The following CSMD3 variants were observed in gnomAD, a reference collection of about 807,000 sequenced individuals.
The protein encoded by CSMD3 is CUB and Sushi multiple domains 3.
Under a neutral mutation model 435.2 loss-of-function variants are expected in CSMD3, and 177 were observed. The ratio of observed to expected loss-of-function variants is 0.41; its 90% CI spans 0.36 to 0.46. CSMD3 has a LOEUF of 0.46. Among genes scored for constraint, CSMD3 ranks in the 20% least tolerant of loss-of-function variants. The pLI is 0.34. For missense variants in CSMD3, 4,265 were observed against 4,504.6 expected, an observed-to-expected ratio of 0.95 and a Z score of 1.52; for synonymous variants, 1,656 against 1,520.5, an observed-to-expected ratio of 1.09 and a Z score of -2.07.
chr8:113,272,794 T>G (rs892587784), intron 3 of CSMD3, among the ~76,000 whole-genome samples: 2 of 152,144 alleles, frequency 1.3e-5, no homozygotes, highest in Non-Finnish European at 1.5e-5. Flanking sequence ...TCATTCTACT[T>G]ATATATTGTA....
intron 4 of CSMD3, among the ~76,000 whole-genome samples, chr8:113,150,426 T>C (rs539718974): frequency 1.4e-4 from 21 of 151,940 alleles, no homozygotes; most frequent in Non-Finnish European, 2.8e-4. Context: ...CAGAAATAGG[T>C]AGGCTAGGAT....
chr8:112,570,544 G>A (rs928561235), intron 24 of CSMD3, among the ~76,000 whole-genome samples: 1 of 152,168 alleles, frequency 6.6e-6, no homozygotes. Context: ...AAAGTAGCCT[G>A]GGCACAGGTG....
intron 24 of CSMD3, among the ~76,000 whole-genome samples, chr8:112,566,040 C>CTTT (rs566193975): frequency 7.1e-6 from 1 of 141,844 alleles, no homozygotes; most frequent in Non-Finnish European, 1.5e-5. Flanking sequence ...CTCTCTCTCT[C>CTTT]TTTTTTTTTT....
chr8:113,333,098 A>C (rs556328350), intron 1 of CSMD3, among the ~76,000 whole-genome samples: 37 of 151,732 alleles, frequency 2.4e-4, no homozygotes, highest in Non-Finnish European at 5.2e-4. Context: ...TATTTAAAAA[A>C]ACACTTTCAT....
chr8:113,170,657 C>T (rs532679033), intron 4 of CSMD3, among the ~76,000 whole-genome samples: 1 of 152,268 alleles, frequency 6.6e-6, no homozygotes, highest in African/African-American at 2.4e-5. Context: ...TACTTGATTA[C>T]TGTCTGCCCC....
At chr8:112,941,432 A>G (rs1466145292) in intron 9 of CSMD3, among the ~76,000 whole-genome samples, 6 of 151,878 alleles carry the variant, frequency 4.0e-5, no homozygotes, top group Admixed American at 6.6e-5. Flanking sequence ...GTGGACGAGA[A>G]GGAGAAAAAT....
At chr8:112,778,235 G>A (rs937009158) in intron 13 of CSMD3, among the ~76,000 whole-genome samples, 15 of 151,790 alleles carry the variant, frequency 9.9e-5, no homozygotes, top group Admixed American at 5.3e-4. Flanking sequence ...CCCAAAGTCC[G>A]TAGTTCACAT....
At chr8:112,741,129 G>A (rs2132054293) in intron 13 of CSMD3, among the ~76,000 whole-genome samples, 1 of 151,912 alleles carries the variant, frequency 6.6e-6, no homozygotes, top group South Asian at 2.1e-4. Context: ...GATGAAGAGA[G>A]TGTCTAGAAA....
At chr8:112,600,362 T>C (rs1442375738) in intron 22 of CSMD3, among the ~76,000 whole-genome samples, 5 of 151,590 alleles carry the variant, frequency 3.3e-5, no homozygotes, top group African/African-American at 1.2e-4. Context: ...ATTTTTTGAA[T>C]ACTGCATATT....
chr8:112,994,168 T>C (rs1263989338), intron 6 of CSMD3, among the ~76,000 whole-genome samples: 1 of 151,838 alleles, frequency 6.6e-6, no homozygotes, highest in East Asian at 1.9e-4. Context: ...TAATTATATT[T>C]TACTTGATTT....
At chr8:113,237,475 C>T in intron 3 of CSMD3, among the ~76,000 whole-genome samples, 1 of 152,150 alleles carries the variant, frequency 6.6e-6, no homozygotes, top group East Asian at 1.9e-4. Context: ...AAGTGGTAGC[C>T]TCTGTGACAG....
intron 9 of CSMD3, among the ~76,000 whole-genome samples, chr8:112,947,360 A>G (rs2083647345): frequency 6.6e-6 from 1 of 151,724 alleles, no homozygotes; most frequent in Admixed American, 6.6e-5. Context: ...TTTATAGAAC[A>G]TTTGCTGGAA....
chr8:112,894,000 C>T (rs1292769148), intron 10 of CSMD3, among the ~76,000 whole-genome samples: 1 of 151,374 alleles, frequency 6.6e-6, no homozygotes, highest in Non-Finnish European at 1.5e-5. Context: ...ATAAGAGAGA[C>T]TCCCAGGGTA....
intron 5 of CSMD3, among the ~76,000 whole-genome samples, chr8:113,074,564 A>T (rs2089263440): frequency 6.6e-6 from 1 of 151,920 alleles, no homozygotes; most frequent in Non-Finnish European, 1.5e-5. Flanking sequence ...AGTCAATGGA[A>T]TTATGTATCA....
intron 19 of CSMD3, 77 bp downstream of exon 19, chr8:112,650,084 T>C: frequency 3.9e-6 from 4 of 1,035,970 alleles, no homozygotes; most frequent in Non-Finnish European, 6.1e-6. Context: ...TATAATTATG[T>C]TAAACCCCAT....
At chr8:113,069,565 G>A (rs2089011939) in intron 5 of CSMD3, among the ~76,000 whole-genome samples, 2 of 152,078 alleles carry the variant, frequency 1.3e-5, no homozygotes, top group Non-Finnish European at 2.9e-5. Flanking sequence ...CTAATGAATA[G>A]ATATTTATTG....
At chr8:113,338,951 C>A (rs2094097816) in intron 1 of CSMD3, among the ~76,000 whole-genome samples, 1 of 151,854 alleles carries the variant, frequency 6.6e-6, no homozygotes, top group Admixed American at 6.6e-5. Context: ...TGTTTAATTA[C>A]ACTTTAAAAT....
intron 16 of CSMD3, among the ~76,000 whole-genome samples, chr8:112,667,979 C>A (rs903590784): frequency 6.6e-6 from 1 of 152,044 alleles, no homozygotes; most frequent in Admixed American, 6.6e-5. Flanking sequence ...CTTGATGGAA[C>A]CCAAATGAAA....
At chr8:113,305,077 C>T (rs868197535) in intron 2 of CSMD3, among the ~76,000 whole-genome samples, 7 of 148,182 alleles carry the variant, frequency 4.7e-5, no homozygotes, top group African/African-American at 1.5e-4. Context: ...CGCATATTCT[C>T]ACTCATAGGT....
Sources: gnomAD v4.1 joint callset for allele counts (sites outside exome capture counted in the v4.1 genomes callset) on GRCh38, gnomAD v4.1.1 for gene constraint, MANE v1.5 for transcripts, NCBI Gene and HGNC (gene_info 2026-07-23, HGNC 2026-07-21) for gene names.